ZSWIM6: variants seen among roughly 807,000 people sequenced by gnomAD.
The protein encoded by ZSWIM6 is zinc finger SWIM domain-containing protein 6.
ZSWIM6 carries 9 observed loss-of-function variants against 113.2 expected under a neutral mutation model. The ratio of observed to expected loss-of-function variants is 0.08; its 90% CI spans 0.05 to 0.14. The LOEUF is 0.14. Ranked by LOEUF, ZSWIM6 falls within the 10% of genes least tolerant of loss-of-function variation. The pLI, the probability that ZSWIM6 is intolerant of heterozygous loss-of-function variation, is 1.00. For synonymous variants in ZSWIM6, 611 were observed against 606.5 expected (o/e 1.01, Z -0.11); for missense variants, 1,162 against 1,552.2 (o/e 0.75, Z 4.22).
At chr5:61,368,144 A>G (rs186991798) in intron 1 of ZSWIM6, among the ~76,000 whole-genome samples, 15 of 152,220 alleles carry the variant, frequency 9.9e-5, no homozygotes, top group African/African-American at 3.6e-4. Flanking sequence ...AAAAGTTTCT[A>G]CCTACACGGT....
chr5:61,445,443 A>G (rs1297727122), intron 1 of ZSWIM6, among the ~76,000 whole-genome samples: 1 of 152,236 alleles, frequency 6.6e-6, no homozygotes, highest in Non-Finnish European at 1.5e-5. Flanking sequence ...TCAGTGCAAC[A>G]TTTGTATATA....
intron 1 of ZSWIM6, among the ~76,000 whole-genome samples, chr5:61,445,712 CAT>C (rs1358116348): frequency 1.3e-5 from 2 of 152,172 alleles, no homozygotes; most frequent in Non-Finnish European, 2.9e-5. Flanking sequence ...TGGTTTCATA[CAT>C]GTGTGTATGT....
chr5:61,515,239 C>T (rs1470008403), intron 4 of ZSWIM6, among the ~76,000 whole-genome samples: 1 of 152,176 alleles, frequency 6.6e-6, no homozygotes, highest in Non-Finnish European at 1.5e-5. Context: ...AGCAATTCCC[C>T]TGTCTCAGCC....
At chr5:61,368,684 A>ACTG (rs1255836801) in intron 1 of ZSWIM6, among the ~76,000 whole-genome samples, 1 of 152,204 alleles carries the variant, frequency 6.6e-6, no homozygotes. Context: ...AACAACTCTT[A>ACTG]CTGCTGGCCA....
At chr5:61,423,384 G>A (rs1746393691) in intron 1 of ZSWIM6, among the ~76,000 whole-genome samples, 1 of 151,476 alleles carries the variant, frequency 6.6e-6, no homozygotes, top group South Asian at 2.1e-4. Flanking sequence ...TTCCATCCTG[G>A]GCATCAAGAG....
At chr5:61,333,021 C>G in intron 1 of ZSWIM6, 73 bp downstream of exon 1, 1 of 1,096,430 alleles carries the variant, frequency 9.1e-7, no homozygotes, top group Non-Finnish European at 1.1e-6. Context: ...GCCCGCCTTT[C>G]TCCTGCGGAC....
At chr5:61,446,682 G>T (rs753463365) in intron 1 of ZSWIM6, among the ~76,000 whole-genome samples, 3 of 152,106 alleles carry the variant, frequency 2.0e-5, no homozygotes, top group African/African-American at 7.2e-5. Context: ...AAATTTTAAA[G>T]CCAGTTCATT....
chr5:61,494,669 A>G (rs969717346), intron 4 of ZSWIM6, among the ~76,000 whole-genome samples: 48 of 149,760 alleles, frequency 3.2e-4, no homozygotes, highest in African/African-American at 9.3e-4. Context: ...AAGTATTTGG[A>G]AAAAAAAAAG....
chr5:61,350,369 G>C (rs1744756131), intron 1 of ZSWIM6, among the ~76,000 whole-genome samples: 2 of 152,184 alleles, frequency 1.3e-5, no homozygotes, highest in African/African-American at 4.8e-5. Flanking sequence ...GAGAGAGTAA[G>C]AGAGGGAAGG....
At chr5:61,451,736 T>G (rs1412894950) in intron 1 of ZSWIM6, among the ~76,000 whole-genome samples, 3 of 152,174 alleles carry the variant, frequency 2.0e-5, no homozygotes, top group Non-Finnish European at 4.4e-5. Context: ...GTGTAATACT[T>G]TCTGCATTGG....
At chr5:61,341,145 C>A in intron 1 of ZSWIM6, among the ~76,000 whole-genome samples, 1 of 152,146 alleles carries the variant, frequency 6.6e-6, no homozygotes, top group Non-Finnish European at 1.5e-5. Flanking sequence ...CTGGTTTCCT[C>A]CTACATCCCA....
chr5:61,440,367 A>G (rs1353661464), intron 1 of ZSWIM6, among the ~76,000 whole-genome samples: 1 of 151,330 alleles, frequency 6.6e-6, no homozygotes, highest in Non-Finnish European at 1.5e-5. Flanking sequence ...GTGTAAAAAA[A>G]AAAAAAAAAA....
At chr5:61,519,265 A>C (rs754057796) in intron 4 of ZSWIM6, among the ~76,000 whole-genome samples, 4 of 152,112 alleles carry the variant, frequency 2.6e-5, no homozygotes, top group Non-Finnish European at 4.4e-5. Flanking sequence ...CAGGACTTCT[A>C]CCAGTTTGTA....
At chr5:61,468,321 T>G (rs1175961464) in intron 1 of ZSWIM6, among the ~76,000 whole-genome samples, 1 of 152,230 alleles carries the variant, frequency 6.6e-6, no homozygotes, top group Non-Finnish European at 1.5e-5. Flanking sequence ...TATTGGGTTC[T>G]GTGACAGCAT....
chr5:61,462,979 TG>T (rs1287819014), intron 1 of ZSWIM6, among the ~76,000 whole-genome samples: 1 of 152,184 alleles, frequency 6.6e-6, no homozygotes, highest in African/African-American at 2.4e-5. Context: ...TTGCCTCAGG[TG>T]AAAAATGTGT....
intron 2 of ZSWIM6, among the ~76,000 whole-genome samples, chr5:61,479,629 AAGGCTATTC>A (rs1203093028): frequency 3.9e-5 from 6 of 152,212 alleles, no homozygotes; most frequent in South Asian, 2.1e-4. Flanking sequence ...CTCCCACTGT[AAGGCTATTC>A]AGAGTGTTTA....
At chr5:61,509,458 A>G (rs1748719027) in intron 4 of ZSWIM6, among the ~76,000 whole-genome samples, 2 of 152,214 alleles carry the variant, frequency 1.3e-5, no homozygotes, top group South Asian at 4.1e-4. Context: ...ACGCACATAG[A>G]GAAAATGTTC....
chr5:61,408,189 G>C lies in ZSWIM6; in HGVS notation c.677-64492G>C, dbSNP rs544645851. On this transcript the variant is annotated intron_variant, in intron 1 of 13. Transcript: ENST00000252744. Reference sequence around the variant, plus strand: ...TGTATAGAGTTTACCATTTTAAAAAGGAGAAAATAGAATATATGTGTATTT... The same window carrying C: ...TGTATAGAGTTTACCATTTTAAAAACGAGAAAATAGAATATATGTGTATTT... Among the ~76,000 whole-genome samples the C allele has an allele frequency of 2.0e-4, 31 of 152,320 alleles. No individual in the cohort carries two copies. In the South Asian group the frequency reaches 2.7e-3, roughly 13 times the overall value.
chr5:61,538,384 G>A (rs1749639038), intron 10 of ZSWIM6, among the ~76,000 whole-genome samples: 1 of 152,172 alleles, frequency 6.6e-6, no homozygotes, highest in African/African-American at 2.4e-5. Flanking sequence ...CTTCCTGACT[G>A]TGATCTCAGT....
Sources: allele counts gnomAD v4.1 joint callset (sites outside exome capture counted in the v4.1 genomes callset), GRCh38; gene constraint gnomAD v4.1.1; transcripts MANE v1.5; gene names NCBI Gene and HGNC (gene_info 2026-07-23, HGNC 2026-07-21).